The following EEPD1 variants were observed in gnomAD, a reference collection of about 807,000 sequenced individuals.
EEPD1 encodes endonuclease/exonuclease/phosphatase family domain containing 1, also known as endonuclease/exonuclease/phosphatase family domain-containing protein 1.
Under a neutral mutation model 46.3 loss-of-function variants are expected in EEPD1, and 17 were observed. The observed-to-expected ratio is 0.37, with a 90% CI of 0.25 to 0.55. EEPD1 has a LOEUF of 0.55. Among genes scored for constraint, EEPD1 ranks in the 20% least tolerant of loss-of-function variants. The pLI is 0.83. For synonymous variants in EEPD1, 313 were observed against 315.6 expected (o/e 0.99, Z 0.09); for missense variants, 673 against 745.6 (o/e 0.90, Z 1.13).
rs766677807 is a variant in EEPD1 at position 36,287,763 on chromosome 7, A to G, written c.1301A>G (p.Gln434Arg). The G allele has an allele frequency of 6.2e-7, 1 of 1,613,850 alleles. No homozygotes were observed. Among genetic ancestry groups the G allele is most frequent in the Non-Finnish European group, 8.5e-7 (1 of 1,179,902 alleles). ...TTGGCGAGCTTTGCACAGACCCTAC[A>G]GGAAACCCTGAAAGGTAGGACATTG... is the stretch of plus-strand genomic sequence containing the variant. ...HRLASFAQTL[Q>R]ETLKGEKDVI... is the part of the protein sequence containing the mutation. Residue 434 changes from glutamine to arginine, a missense_variant, in exon 6 of 8, where the codon CAG becomes CGG. By Grantham distance (43) the Gln-to-Arg change is conservative. Coordinates refer to ENST00000242108, the MANE Select transcript of EEPD1 (RefSeq NM_030636.3).
In EEPD1 at chr7:36,154,805, A is replaced by G. The variant is rs1304544554; in HGVS notation, c.481A>G (p.Ile161Val). ...RGLSEKMALS[I>V]VDFRREHGPF... is the part of the protein sequence containing the mutation. ...CCTCTCGGAGAAAATGGCCCTCAGC[A>G]TCGTGGACTTCCGCCGTGAGCATGG... Residue 161 changes from isoleucine to valine, a missense_variant, in exon 2 of 8, where the codon ATC becomes GTC. By Grantham distance (29) the Ile-to-Val change is conservative. Coordinates refer to ENST00000242108, the MANE Select transcript of EEPD1 (RefSeq NM_030636.3). This position sits in a 1 kb window ranked among gnomAD's most constrained non-coding sequence, Gnocchi z 4.2. 2.5e-6 allele frequency: 4 copies of G among 1,614,174 alleles called. No individual in the cohort carries two copies. The highest frequency in any genetic ancestry group is 3.4e-6 in the Non-Finnish European group (4 of 1,180,022).
chr7:36,200,039 A>G (rs1443793106), intron 2 of EEPD1, among the ~76,000 whole-genome samples: 13 of 152,078 alleles, frequency 8.5e-5, no homozygotes, highest in Admixed American at 8.5e-4. Context: ...AACTCATGTC[A>G]TGGGGGTTTG....
At chr7:36,181,680 A>G (rs1785270692) in intron 2 of EEPD1, among the ~76,000 whole-genome samples, 1 of 152,172 alleles carries the variant, frequency 6.6e-6, no homozygotes, top group South Asian at 2.1e-4. Context: ...ACATTATTGA[A>G]GTTAGGAACC....
intron 6 of EEPD1, among the ~76,000 whole-genome samples, 164 bp from the exon 7 acceptor site, chr7:36,296,829 T>C (rs931050832): frequency 1.3e-5 from 2 of 151,868 alleles, no homozygotes; most frequent in African/African-American, 4.8e-5. Flanking sequence ...CAGGGTGATA[T>C]GCACATGAAA....
intron 2 of EEPD1, among the ~76,000 whole-genome samples, chr7:36,205,356 C>A (rs1003948501): frequency 1.3e-5 from 2 of 152,180 alleles, no homozygotes; most frequent in Non-Finnish European, 2.9e-5. Flanking sequence ...AATAGACAAA[C>A]AATGTAAGGA....
At chr7:36,255,054 T>C (rs1786806810) in intron 3 of EEPD1, among the ~76,000 whole-genome samples, 1 of 152,218 alleles carries the variant, frequency 6.6e-6, no homozygotes, top group South Asian at 2.1e-4. Context: ...GTCAGACGGA[T>C]AGATTGCAAA....
intron 2 of EEPD1, among the ~76,000 whole-genome samples, chr7:36,206,149 A>T (rs1203601998): frequency 6.6e-6 from 1 of 152,184 alleles, no homozygotes; most frequent in African/African-American, 2.4e-5. Flanking sequence ...CCTGACCAGA[A>T]ACACTAGCCG....
chr7:36,169,482 T>G (rs925200530), intron 2 of EEPD1, among the ~76,000 whole-genome samples: 1 of 152,242 alleles, frequency 6.6e-6, no homozygotes, highest in Non-Finnish European at 1.5e-5. Context: ...CCCTAATAAC[T>G]AATGACGTTT....
chr7:36,184,855 C>G (rs1041125192), intron 2 of EEPD1, among the ~76,000 whole-genome samples: 1 of 152,124 alleles, frequency 6.6e-6, no homozygotes, highest in East Asian at 1.9e-4. Flanking sequence ...CTCAGCCTCT[C>G]GAGTAGCTGG....
chr7:36,180,093 A>G (rs1389575913), intron 2 of EEPD1, among the ~76,000 whole-genome samples: 1 of 152,258 alleles, frequency 6.6e-6, no homozygotes, highest in East Asian at 1.9e-4. Flanking sequence ...CAGGAGCTAG[A>G]GAGCAGTAAG....
rs750527875 is a variant in EEPD1 at position 36,154,508 on chromosome 7, C to T, written c.184C>T (p.Arg62Cys). ...GCCTGGGGTGACGCGTGCCGTGGCA[C>T]GCAGCATCGTGGAGTACCGAGAGTA... is the stretch of plus-strand genomic sequence containing the variant. ...TLPGVTRAVA[R>C]SIVEYREYIG... is the part of the protein sequence containing the mutation. Residue 62 changes from arginine (R) to cysteine (C), a missense_variant, in exon 2 of 8, where the codon CGC becomes TGC. Physicochemically the swap from Arg to Cys is radical, Grantham distance 180. Transcript: ENST00000242108. The surrounding 1 kb of genome is among the most constrained non-coding windows in gnomAD (Gnocchi z 4.2). 3.7e-6 allele frequency: 6 copies of T among 1,614,100 alleles called. No individual in the cohort carries two copies. The highest frequency in any genetic ancestry group is 4.5e-5 in the East Asian group (2 of 44,900).
chr7:36,179,332 G>C (rs1166066527), intron 2 of EEPD1, among the ~76,000 whole-genome samples: 1 of 152,184 alleles, frequency 6.6e-6, no homozygotes, highest in African/African-American at 2.4e-5. Flanking sequence ...TATTATGTCA[G>C]TACTTCTACA....
intron 2 of EEPD1, among the ~76,000 whole-genome samples, chr7:36,159,971 G>A (rs1398228833): frequency 6.6e-6 from 1 of 152,228 alleles, no homozygotes; most frequent in Non-Finnish European, 1.5e-5. Flanking sequence ...CAGTGTGAAT[G>A]CAGGGAACTT....
At chr7:36,234,485 A>G (rs1226284619) in intron 2 of EEPD1, among the ~76,000 whole-genome samples, 4 of 152,028 alleles carry the variant, frequency 2.6e-5, no homozygotes, top group Admixed American at 2.6e-4. Context: ...CAGCCTGGGC[A>G]CCATGATGAA....
intron 3 of EEPD1, among the ~76,000 whole-genome samples, chr7:36,243,052 A>G (rs1367507385): frequency 6.6e-6 from 1 of 152,216 alleles, no homozygotes; most frequent in Non-Finnish European, 1.5e-5. Context: ...TTATTTGTCA[A>G]ATATAGAACT....
rs1238433641 is a variant in EEPD1 at position 36,272,198 on chromosome 7, A to T, written c.931-8917A>T. 3.1e-4 allele frequency among the ~76,000 whole-genome samples: 10 copies of T among 32,532 alleles called. No individual in the cohort carries two copies. In the East Asian group the frequency reaches 7.6e-3, roughly 25 times the overall value. 21.3% of individuals were successfully genotyped at this position (32,532 alleles called of 152,430 possible). On this transcript the variant is annotated intron_variant, in intron 3 of 7. Transcript: ENST00000242108. ...ACCCCCTGCCATTAATTTAAAGATA[A>T]AAAAAAAAGCCGATGAAATTACTAT...
intron 2 of EEPD1, among the ~76,000 whole-genome samples, chr7:36,207,339 A>G (rs1392290358): frequency 6.6e-6 from 1 of 152,220 alleles, no homozygotes; most frequent in Non-Finnish European, 1.5e-5. Flanking sequence ...GATTAGAAAA[A>G]TACAGAATGA....
chr7:36,284,633 C>A, intron 4 of EEPD1, 53 bp from the exon 5 acceptor site: 1 of 1,576,488 alleles, frequency 6.3e-7, no homozygotes, highest in South Asian at 1.1e-5. Context: ...CCTCCTTTCC[C>A]CAGGTGGCGC....
intron 2 of EEPD1, among the ~76,000 whole-genome samples, chr7:36,236,997 C>T (rs900899050): frequency 5.9e-5 from 9 of 152,248 alleles, no homozygotes; most frequent in African/African-American, 2.2e-4. Context: ...CTTACTGCTG[C>T]TCCCTCTTTG....
Sources: gnomAD v4.1 joint callset for allele counts (sites outside exome capture counted in the v4.1 genomes callset) on GRCh38, gnomAD v4.1.1 for gene constraint, Gnocchi (gnomAD v3.1) non-coding constraint, MANE v1.5 for transcripts, NCBI Gene and HGNC (gene_info 2026-07-23, HGNC 2026-07-21) for gene names.